Variants in SLC35F3 observed in about 807,000 individuals in gnomAD.
SLC35F3 encodes solute carrier family 35 member F3, also known as putative thiamine transporter SLC35F3.
Under a neutral mutation model 49.9 loss-of-function variants are expected in SLC35F3, and 25 were observed. The ratio of observed to expected loss-of-function variants is 0.50; its 90% CI spans 0.37 to 0.70. The LOEUF is 0.70. Ranked by LOEUF, SLC35F3 falls within the 30% of genes least tolerant of loss-of-function variation. SLC35F3 has a pLI of 0.00. For synonymous variants in SLC35F3, 275 were observed against 265.4 expected (o/e 1.04, Z -0.35); for missense variants, 525 against 639.8 (o/e 0.82, Z 1.94).
intron 2 of SLC35F3, among the ~76,000 whole-genome samples, chr1:234,228,753 G>C (rs989392889): frequency 6.6e-6 from 1 of 152,182 alleles, no homozygotes; most frequent in African/African-American, 2.4e-5. Flanking sequence ...GTGTGTGTCT[G>C]TGTGTTGCAC....
In SLC35F3 at chr1:234,092,737, G is replaced by A. The variant is rs553458350; in HGVS notation, c.284-138680G>A. On this transcript the variant is annotated intron_variant, in intron 2 of 7. Transcript: ENST00000366618. ...TAAAAATTAGCTGGGCATGGTTGGT[G>A]CATGCCTATAGTCCCAGCTACTCGG... 9.2e-5 allele frequency among the ~76,000 whole-genome samples: 14 copies of A among 152,100 alleles called. No homozygotes were observed. In the East Asian group the frequency reaches 2.7e-3, roughly 29 times the overall value.
At chr1:234,279,781 T>C (rs913085679) in intron 3 of SLC35F3, among the ~76,000 whole-genome samples, 7 of 152,192 alleles carry the variant, frequency 4.6e-5, no homozygotes, top group Non-Finnish European at 1.0e-4. Flanking sequence ...CAGTGGAGAA[T>C]AAAAACTAAA....
intron 2 of SLC35F3, among the ~76,000 whole-genome samples, chr1:234,013,585 A>G (rs1663757407): frequency 6.6e-6 from 1 of 152,066 alleles, no homozygotes; most frequent in Non-Finnish European, 1.5e-5. Context: ...CAAAAGCAAA[A>G]AGCCCTTAGC....
intron 2 of SLC35F3, among the ~76,000 whole-genome samples, chr1:233,987,151 G>T (rs374578345): frequency 1.3e-5 from 2 of 152,052 alleles, no homozygotes; most frequent in Admixed American, 6.6e-5. Flanking sequence ...TTAGCCAGGC[G>T]TGGTGGCACA....
At chr1:233,951,792 T>C (rs944132184) in intron 2 of SLC35F3, among the ~76,000 whole-genome samples, 2 of 152,112 alleles carry the variant, frequency 1.3e-5, no homozygotes, top group Admixed American at 1.3e-4. Context: ...TTGCCCAGGC[T>C]GATTCCTGGG....
intron 2 of SLC35F3, among the ~76,000 whole-genome samples, chr1:233,918,802 CTCTCTCTCTCTCTCTATATA>C: frequency 2.4e-5 from 1 of 42,492 alleles, no homozygotes; most frequent in East Asian, 1.6e-3. Flanking sequence ...CTCTCTTTCT[CTCTCTCTCTCTCTCTATATA>C]TATATATATA....
intron 2 of SLC35F3, among the ~76,000 whole-genome samples, chr1:234,070,709 T>A (rs1429207308): frequency 6.6e-6 from 1 of 152,042 alleles, no homozygotes; most frequent in Non-Finnish European, 1.5e-5. Context: ...TTAGTTAACA[T>A]CTTTTTCTGT....
intron 2 of SLC35F3, among the ~76,000 whole-genome samples, chr1:234,131,076 A>G (rs1181255666): frequency 6.6e-6 from 1 of 152,204 alleles, no homozygotes; most frequent in African/African-American, 2.4e-5. Flanking sequence ...AAGAGAGACA[A>G]AGCTGATCTG....
chr1:234,190,457 A>C (rs558477009), intron 2 of SLC35F3, among the ~76,000 whole-genome samples: 1 of 152,354 alleles, frequency 6.6e-6, no homozygotes, highest in South Asian at 2.1e-4. Context: ...AAGCAACAGC[A>C]GTTAAAAAAG....
At chr1:234,112,769 G>A (rs1303827345) in intron 2 of SLC35F3, among the ~76,000 whole-genome samples, 14 of 128,212 alleles carry the variant, frequency 1.1e-4, no homozygotes, top group African/African-American at 3.9e-4. Flanking sequence ...GTAGAGACAG[G>A]GTTTCACCTG....
intron 3 of SLC35F3, among the ~76,000 whole-genome samples, chr1:234,297,864 A>G (rs1176828314): frequency 1.3e-5 from 2 of 152,334 alleles, no homozygotes; most frequent in East Asian, 3.9e-4. Flanking sequence ...CAGTTATGCA[A>G]GATGAATAAG....
chr1:233,950,385 C>CAAAAAA lies in SLC35F3; in HGVS notation c.283+44646_283+44651dup, dbSNP rs58271294. ...TGGGTGACAGAGCAAGACTCTGTCT[C>CAAAAAA]AAAAAAAAAAAAAAAAAAAAAAAAT... On this transcript the variant is annotated intron_variant, in intron 2 of 7. Coordinates refer to ENST00000366618, the MANE Select transcript of SLC35F3 (RefSeq NM_173508.4). Among the ~76,000 whole-genome samples, 31 of 31,386 alleles carry CAAAAAA rather than the reference C, an allele frequency of 9.9e-4. 4 individuals are homozygous for CAAAAAA. The highest frequency in any genetic ancestry group is 3.2e-3 in the African/African-American group (29 of 9,010). 20.6% of individuals were successfully genotyped at this position (31,386 alleles called of 152,430 possible). A position where few individuals can be genotyped will look rare whatever the true frequency, so the allele number is the denominator to read the frequency against.
chr1:234,038,170 G>T (rs1455819640), intron 2 of SLC35F3, among the ~76,000 whole-genome samples: 1 of 140,792 alleles, frequency 7.1e-6, no homozygotes, highest in African/African-American at 2.7e-5. Flanking sequence ...GTGTCCATGT[G>T]TTCTCACTGT....
chr1:233,995,778 C>A (rs2102829561), intron 2 of SLC35F3, among the ~76,000 whole-genome samples: 1 of 152,160 alleles, frequency 6.6e-6, no homozygotes, highest in Non-Finnish European at 1.5e-5. Flanking sequence ...AGTCAGTGAG[C>A]CTGTGGACTA....
chr1:233,993,086 G>GA (rs993898719), intron 2 of SLC35F3, among the ~76,000 whole-genome samples: 3 of 151,296 alleles, frequency 2.0e-5, no homozygotes, highest in East Asian at 1.9e-4. Context: ...TTCCATGGAA[G>GA]AAAAAAAAAT....
rs1331044069 is a variant in SLC35F3, at chr1:234,214,885, C to A, written c.284-16532C>A. The A allele has an allele frequency of 3.2e-6, 1 of 314,554 alleles. No homozygotes were observed. The highest frequency in any genetic ancestry group is 5.2e-5 in the Admixed American group (1 of 19,256). 19.5% of individuals were successfully genotyped at this position (314,554 alleles called of 1,614,324 possible). On this transcript the variant is annotated intron_variant, in intron 2 of 7. Coordinates refer to ENST00000366618, the MANE Select transcript of SLC35F3 (RefSeq NM_173508.4). The surrounding 1 kb of genome is among the most constrained non-coding windows in gnomAD (Gnocchi z 8.0). ...ACCCTCACCTCCATCCCAGTTTGTC[C>A]TGGGGCTCTTGTCTGTTCGGCAGGA...
At chr1:234,230,971 A>G (rs1436181450) in intron 2 of SLC35F3, among the ~76,000 whole-genome samples, 8 of 152,154 alleles carry the variant, frequency 5.3e-5, no homozygotes, top group Non-Finnish European at 1.2e-4. Context: ...AGCCCCCAGT[A>G]CTGCCCCGCA....
chr1:234,192,434 T>C (rs1212583957), intron 2 of SLC35F3, among the ~76,000 whole-genome samples: 1 of 152,178 alleles, frequency 6.6e-6, no homozygotes, highest in African/African-American at 2.4e-5. Context: ...AAAATCAGCA[T>C]ACAAAGGATA....
At chr1:234,258,468 A>T (rs1667854361) in intron 3 of SLC35F3, among the ~76,000 whole-genome samples, 2 of 152,248 alleles carry the variant, frequency 1.3e-5, no homozygotes, top group South Asian at 4.1e-4. Flanking sequence ...TGAGCAGTAA[A>T]CAATGACTAG....
Sources: allele counts gnomAD v4.1 joint callset (sites outside exome capture counted in the v4.1 genomes callset), GRCh38; gene constraint gnomAD v4.1.1; non-coding constraint Gnocchi (gnomAD v3.1); transcripts MANE v1.5; gene names NCBI Gene and HGNC (gene_info 2026-07-23, HGNC 2026-07-21).